ATRX: variants seen among roughly 807,000 people sequenced by gnomAD.
The protein encoded by ATRX is chromatin remodeler ATRX.
Under a neutral mutation model 172.6 loss-of-function variants are expected in ATRX, and 12 were observed. The ratio of observed to expected loss-of-function variants is 0.07; its 90% confidence interval spans 0.04 to 0.11. The LOEUF is 0.11. Ranked by LOEUF, ATRX falls within the 10% of genes least tolerant of loss-of-function variation. The pLI is 1.00. For missense variants in ATRX, 1,368 were observed against 1,767.4 expected, an observed-to-expected ratio of 0.77 and a Z score of 4.05; for synonymous variants, 674 against 594.7, an observed-to-expected ratio of 1.13 and a Z score of -1.94.
chrX:77,601,788 GAT>G (rs1358437284), intron 22 of ATRX, among the ~76,000 whole-genome samples: 1 of 111,719 alleles, frequency 9.0e-6, no homozygotes, highest in Non-Finnish European at 1.9e-5. Context: ...ATTTAGTAGT[GAT>G]ATGAAACATT....
At chrX:77,618,474 G>A (rs1050928949) in intron 21 of ATRX, among the ~76,000 whole-genome samples, 3 of 111,532 alleles carry the variant, frequency 2.7e-5, no homozygotes, top group African/African-American at 6.5e-5. Context: ...ACAGAATTAG[G>A]GTGAGCATAG....
At chrX:77,550,157 A>C (rs955416793) in intron 30 of ATRX, among the ~76,000 whole-genome samples, 17 of 111,592 alleles carry the variant, frequency 1.5e-4, no homozygotes, top group African/African-American at 5.2e-4. Context: ...CTTGAAAAGT[A>C]AGTCTAATTC....
rs112223858 is a variant in ATRX, at chrX:77,730,989, C to T, written c.21-13746G>A. On this transcript the variant is annotated intron_variant, in intron 1 of 34. Transcript: ENST00000373344. ...ATAATAAAGATCAGAGTGAAGCAAA[C>T]GAAACTGAAATAAAGAAAATAATAC... Among the ~76,000 whole-genome samples the T allele has an allele frequency of 3.5e-3, 357 of 101,854 alleles. 4 individuals carry two copies. The highest frequency in any genetic ancestry group is 0.012 in the African/African-American group (324 of 27,643). The allele number at this position is 101,854 out of a possible 115,157, so 88.4% of individuals were successfully genotyped here. A position where few individuals can be genotyped will look rare whatever the true frequency, so the allele number is the denominator to read the frequency against.
At chrX:77,536,224 A>G (rs1347518577) in intron 30 of ATRX, among the ~76,000 whole-genome samples, 2 of 111,593 alleles carry the variant, frequency 1.8e-5, no homozygotes, top group Non-Finnish European at 3.8e-5. Context: ...TTTCAAATAT[A>G]TCTTAGAGAA....
chrX:77,713,805 T>A (rs1468458880), intron 2 of ATRX, among the ~76,000 whole-genome samples: 1 of 111,484 alleles, frequency 9.0e-6, no homozygotes, highest in African/African-American at 3.3e-5. Flanking sequence ...TATGCTGTGA[T>A]AAACAGACCT....
intron 30 of ATRX, among the ~76,000 whole-genome samples, chrX:77,553,955 T>C (rs2064664395): frequency 8.9e-6 from 1 of 111,753 alleles, no homozygotes; most frequent in South Asian, 3.8e-4. Context: ...TGGCATATCA[T>C]AGGCACCCCA....
chrX:77,756,982 C>T (rs1357823982), intron 1 of ATRX, among the ~76,000 whole-genome samples: 1 of 110,728 alleles, frequency 9.0e-6, no homozygotes, highest in African/African-American at 3.3e-5. Flanking sequence ...GACGAAGTTT[C>T]ACCATGTTGG....
At chrX:77,623,819 A>T (rs1400486396) in intron 19 of ATRX, among the ~76,000 whole-genome samples, 1 of 111,968 alleles carries the variant, frequency 8.9e-6, no homozygotes, top group African/African-American at 3.2e-5. Flanking sequence ...TCATCTCAAT[A>T]GATTCAGAAA....
intron 2 of ATRX, among the ~76,000 whole-genome samples, chrX:77,714,906 A>C (rs782576227): frequency 8.9e-6 from 1 of 112,145 alleles, no homozygotes; most frequent in East Asian, 2.8e-4. Context: ...ACTGTGGCTT[A>C]AATAACTTTA....
At chrX:77,536,605 AT>A (rs782783159) in intron 30 of ATRX, among the ~76,000 whole-genome samples, 4 of 111,983 alleles carry the variant, frequency 3.6e-5, no homozygotes, top group African/African-American at 6.5e-5. Context: ...ATCATTGATC[AT>A]TCCAACATAT....
intron 15 of ATRX, among the ~76,000 whole-genome samples, chrX:77,649,187 A>AAAGG (rs782465684): frequency 6.6e-4 from 73 of 109,952 alleles, no homozygotes; most frequent in African/African-American, 1.3e-3. Flanking sequence ...AGAAAGAAAG[A>AAAGG]AAGGAAGGAA....
chrX:77,673,778 C>T (rs1399643651), intron 10 of ATRX, among the ~76,000 whole-genome samples: 1 of 110,748 alleles, frequency 9.0e-6, no homozygotes, highest in African/African-American at 3.3e-5. Context: ...AAAACTTTCA[C>T]ACAAATATAT....
chrX:77,682,030 A>C lies in ATRX; in HGVS notation c.3226T>G (p.Ser1076Ala), dbSNP rs1461534642. The change falls in exon 9 of 35, where the codon TCT becomes GCT. Residue 1076 changes from serine (S) to alanine (A), a missense_variant. Physicochemically the swap from Ser to Ala is moderately conservative, Grantham distance 99. Around this residue, in one of 17 missense-constraint regions of ATRX, gnomAD observed 843 missense variants for 643.1 expected, o/e 1.31. Coordinates refer to ENST00000373344, the MANE Select transcript of ATRX (RefSeq NM_000489.6). ...TTCTTACTCTTTTTATCCTCTGAAGAGTCACAACTATCTCCTTTCCCTGTT... is the reference window on the plus strand; with the variant it reads ...TTCTTACTCTTTTTATCCTCTGAAGCGTCACAACTATCTCCTTTCCCTGTT... ...KSTGKGDSCDSSEDKKSKNGA... is the reference protein window; with the variant it reads ...KSTGKGDSCDASEDKKSKNGA... 1.7e-6 allele frequency: 2 copies of C among 1,208,897 alleles called. No individual in the cohort carries two copies. The highest frequency in any genetic ancestry group is 5.9e-5 in the East Asian group (2 of 33,731).
At chrX:77,635,323 C>T (rs782601640) in intron 16 of ATRX, among the ~76,000 whole-genome samples, 1 of 111,117 alleles carries the variant, frequency 9.0e-6, no homozygotes, top group African/African-American at 3.3e-5. Flanking sequence ...AAGAGAGCAA[C>T]TTTATCCAAA....
rs782273882 is a variant in ATRX at position 77,758,572 on chromosome X, A to G, written c.20+27410T>C. ...GGAGTTCAAGACCAGCCTGGCCAAC[A>G]TGGTGAAACCCCATCTCTACTAAAA... On this transcript the variant is annotated intron_variant, in intron 1 of 34. Transcript: ENST00000373344. Among the ~76,000 whole-genome samples, 8 of 109,298 alleles carry G rather than the reference A, an allele frequency of 7.3e-5. No homozygotes were observed. The South Asian group carries it at 3.1e-3, about 43-fold the overall frequency. 94.9% of individuals were successfully genotyped at this position (109,298 alleles called of 115,157 possible). A position where few individuals can be genotyped will look rare whatever the true frequency, so the allele number is the denominator to read the frequency against.
chrX:77,761,521 C>T (rs1410386503), intron 1 of ATRX, among the ~76,000 whole-genome samples: 3 of 111,115 alleles, frequency 2.7e-5, no homozygotes, highest in Non-Finnish European at 5.7e-5. Flanking sequence ...GAGGCAACAG[C>T]GAGAGACCCT....
At chrX:77,579,020 C>T (rs181304745) in intron 27 of ATRX, among the ~76,000 whole-genome samples, 1 of 112,230 alleles carries the variant, frequency 8.9e-6, no homozygotes, top group Non-Finnish European at 1.9e-5. Context: ...CTCTGCGGGC[C>T]TGTCCTGGTG....
Position 77,656,577 on chromosome X carries a change from T to C in ATRX, c.4197A>G (p.Glu1399=). The change falls in exon 13 of 35, where the codon GAA becomes GAG. Residue 1399 remains glutamate (E), a synonymous_variant. Coordinates refer to ENST00000373344, the MANE Select transcript of ATRX (RefSeq NM_000489.6). ...TATAATACCTTGTTCTGGGCCGCTG[T>C]TCATCTTCGGATTCACTAACTTCTT... The part of the protein sequence containing the change: ...VSEEVSESED[E]QRPRTRSAKK... 3 of 1,208,627 alleles carry C rather than the reference T, an allele frequency of 2.5e-6. No individual in the cohort carries two copies. The highest frequency in any genetic ancestry group is 3.4e-6 in the Non-Finnish European group (3 of 893,657).
chrX:77,568,830 T>C (rs1452783622), intron 28 of ATRX, among the ~76,000 whole-genome samples: 2 of 111,700 alleles, frequency 1.8e-5, no homozygotes, highest in Non-Finnish European at 3.8e-5. Flanking sequence ...TAGCACACCA[T>C]ATTAACAGAT....
Sources: gnomAD v4.1 joint callset for allele counts (sites outside exome capture counted in the v4.1 genomes callset) on GRCh38, gnomAD v4.1.1 for gene constraint, gnomAD v4.1.1 regional missense constraint, MANE v1.5 for transcripts, NCBI Gene and HGNC (gene_info 2026-07-23, HGNC 2026-07-21) for gene names.